Variants in MAPT observed in about 807,000 individuals in gnomAD.
The protein encoded by MAPT is microtubule associated protein tau.
In MAPT, 34 loss-of-function variants were observed where a neutral mutation model predicts 67.9. The observed-to-expected ratio is 0.50, with a 90% CI of 0.38 to 0.67. The LOEUF (loss-of-function observed/expected upper bound fraction) is 0.67, where lower values mean the gene tolerates loss of function less well. MAPT is among the 30% of genes least tolerant of loss of function. The pLI, the probability that MAPT is intolerant of heterozygous loss-of-function variation, is 0.00. For synonymous variants in MAPT, 456 were observed against 464.5 expected (o/e 0.98, Z 0.23); for missense variants, 881 against 1,115.2 (o/e 0.79, Z 2.99).
intron 1 of MAPT, among the ~76,000 whole-genome samples, chr17:45,922,278 A>G (rs1274410971): frequency 2.0e-5 from 3 of 152,184 alleles, no homozygotes; most frequent in African/African-American, 7.2e-5. Flanking sequence ...CAAAGGCCTT[A>G]TATTTTGCTC....
At position 45,996,357 on chromosome 17, in the gene MAPT, A is replaced by G. The variant is rs2145829887; in HGVS notation, c.1733-42A>G. ...AGCCCCCAGGGCCTTTTCTGACCCC[A>G]CCCACTCGAGTCCTGGCTTCACTCC... On this transcript the variant is annotated intron_variant, in intron 8 of 12. Transcript: ENST00000262410. The surrounding 1 kb of genome is among the most constrained non-coding windows in gnomAD (Gnocchi z 4.5). The G allele has an allele frequency of 6.2e-7, 1 of 1,604,306 alleles. No individual in the cohort carries two copies. The highest frequency in any genetic ancestry group is 1.1e-5 in the South Asian group (1 of 91,042).
intron 3 of MAPT, among the ~76,000 whole-genome samples, chr17:45,972,406 G>A (rs1462514748): frequency 2.0e-5 from 3 of 152,198 alleles, no homozygotes; most frequent in African/African-American, 7.2e-5. Context: ...GTTTGTTCCA[G>A]CCCTTCTCCT....
intron 1 of MAPT, among the ~76,000 whole-genome samples, chr17:45,945,752 G>A (rs185372346): frequency 1.4e-4 from 22 of 152,302 alleles, no homozygotes; most frequent in African/African-American, 5.1e-4. Context: ...GGTGAAGGTT[G>A]CAGTGAGCCG....
At position 45,904,400 on chromosome 17, in the gene MAPT, C is replaced by CAT. The variant is rs1342431123; in HGVS notation, c.-18+9726_-18+9727dup. On this transcript the variant is annotated intron_variant, in intron 1 of 12. Coordinates refer to ENST00000262410, the MANE Select transcript of MAPT (RefSeq NM_001377265.1). ...TTTATATATATTATATATATATACACATATATATATATAAATGAGGCCAGG... is the reference window on the plus strand; with the variant it reads ...TTTATATATATTATATATATATACACATATATATATATATAAATGAGGCCAGG... Among the ~76,000 whole-genome samples the CAT allele has an allele frequency of 4.1e-3, 318 of 78,020 alleles. 1 individual carries two copies. Among genetic ancestry groups the CAT allele is most frequent in the African/African-American group, 8.7e-3 (226 of 26,074 alleles). 51.2% of individuals were successfully genotyped at this position (78,020 alleles called of 152,430 possible).
chr17:46,020,688 G>T (rs1375642740), intron 12 of MAPT, among the ~76,000 whole-genome samples: 1 of 152,076 alleles, frequency 6.6e-6, no homozygotes, highest in Non-Finnish European at 1.5e-5. Context: ...TTGTGCAGGG[G>T]AACTCCCCTT....
chr17:45,964,184 C>G (rs1235984331), intron 2 of MAPT, among the ~76,000 whole-genome samples: 1 of 151,200 alleles, frequency 6.6e-6, no homozygotes, highest in Non-Finnish European at 1.5e-5. Flanking sequence ...GATCTGTTTT[C>G]TCCTTTGTTT....
At chr17:45,974,701 C>T (rs2072133992) in intron 3 of MAPT, 1 of 563,062 alleles carries the variant, frequency 1.8e-6, no homozygotes, top group Non-Finnish European at 3.2e-6. Flanking sequence ...TTCTGGACTT[C>T]TAGATGCTCC....
At chr17:45,973,989 A>G (rs1289091016) in intron 3 of MAPT, 4 of 206,694 alleles carry the variant, frequency 1.9e-5, no homozygotes, top group Non-Finnish European at 4.0e-5. Context: ...GCCTCACAGC[A>G]AAACCATAGG....
Position 46,010,560 on chromosome 17 carries a change from A to G in MAPT, c.2091+158A>G, listed in dbSNP as rs2075755933. 6.6e-6 allele frequency among the ~76,000 whole-genome samples: 1 copy of G among 152,020 alleles called. No individual in the cohort carries two copies. Among genetic ancestry groups the G allele is most frequent in the African/African-American group, 2.4e-5 (1 of 41,410 alleles). ...GGGTGAATGTAGCCCGGCTCCCCAC[A>G]TTCCCCCACACGGTCCACTGTTCCC... On this transcript the variant is annotated intron_variant, in intron 10 of 12. Coordinates refer to ENST00000262410, the MANE Select transcript of MAPT (RefSeq NM_001377265.1). This position sits in a 1 kb window ranked among gnomAD's most constrained non-coding sequence, Gnocchi z 4.7.
intron 2 of MAPT, among the ~76,000 whole-genome samples, chr17:45,965,484 C>A (rs1186880663): frequency 6.6e-6 from 1 of 151,732 alleles, no homozygotes; most frequent in South Asian, 2.1e-4. Flanking sequence ...GGCGCCATCT[C>A]GGCTCACCGC....
intron 1 of MAPT, among the ~76,000 whole-genome samples, chr17:45,948,415 C>T (rs1261958332): frequency 1.3e-5 from 2 of 152,192 alleles, no homozygotes; most frequent in African/African-American, 4.8e-5. Context: ...AGGATGCCTG[C>T]CCTAACATTT....
Position 45,991,568 on chromosome 17 carries a change from A to G in MAPT, c.1714A>G (p.Lys572Glu). The change falls in exon 8 of 13, where the codon AAG becomes GAG. Residue 572 changes from lysine to glutamate, a missense_variant. Lys to Glu is a moderately conservative substitution (Grantham distance 56, BLOSUM62 1). Around this residue, in one of 6 missense-constraint regions of MAPT, gnomAD observed 687 missense variants for 766.1 expected, o/e 0.90. Transcript: ENST00000262410. ...RIPAKTPPAP[K>E]TPPSSGEPPK... ...TCCAGCAAAAACCCCGCCCGCTCCA[A>G]AGACACCACCCAGCTCTGGTAAGAA... 2 of 1,614,102 alleles carry G rather than the reference A, an allele frequency of 1.2e-6. No individual in the cohort carries two copies. The highest frequency in any genetic ancestry group is 1.7e-6 in the Non-Finnish European group (2 of 1,179,990).
At chr17:46,009,246 C>A (rs1161892278) in intron 9 of MAPT, among the ~76,000 whole-genome samples, 2 of 152,190 alleles carry the variant, frequency 1.3e-5, no homozygotes, top group Non-Finnish European at 1.5e-5. Flanking sequence ...ACTGTTTCCA[C>A]TGTTTCCAGA....
intron 5 of MAPT, 121 bp from the exon 6 acceptor site, chr17:45,986,919 C>T: frequency 1.2e-6 from 1 of 816,728 alleles, no homozygotes; most frequent in Non-Finnish European, 2.1e-6. Context: ...AACTGGGTTT[C>T]CACCAGACCC....
rs1178805949 is a variant in MAPT, at chr17:45,896,508, G to A, written c.-18+1822G>A. ...TGAGCCCACTGGACTGGGCGCAGAGGGGGGATTGCCATGGAAACCACAGGT... is the reference window on the plus strand; with the variant it reads ...TGAGCCCACTGGACTGGGCGCAGAGAGGGGATTGCCATGGAAACCACAGGT... On this transcript the variant is annotated intron_variant, in intron 1 of 12. Transcript: ENST00000262410. This position sits in a 1 kb window ranked among gnomAD's most constrained non-coding sequence, Gnocchi z 5.6. 1.3e-5 allele frequency: 2 copies of A among 152,322 alleles called. No homozygotes were observed. The highest frequency in any genetic ancestry group is 4.8e-5 in the African/African-American group (2 of 41,446). 9.4% of individuals were successfully genotyped at this position (152,322 alleles called of 1,614,324 possible). A position where few individuals can be genotyped will look rare whatever the true frequency, so the allele number is the denominator to read the frequency against.
chr17:46,018,815 C>G, intron 12 of MAPT, 85 bp downstream of exon 12: 1 of 1,005,842 alleles, frequency 9.9e-7, no homozygotes, highest in Non-Finnish European at 1.6e-6. Flanking sequence ...GTCCAGTTCC[C>G]AGAGGAGGAA....
intron 1 of MAPT, among the ~76,000 whole-genome samples, chr17:45,908,680 C>T (rs2064511899): frequency 6.6e-6 from 1 of 152,194 alleles, no homozygotes; most frequent in African/African-American, 2.4e-5. Flanking sequence ...TATCGAATTA[C>T]TTAGAATTTG....
At chr17:45,941,525 C>T (rs1195070904) in intron 1 of MAPT, among the ~76,000 whole-genome samples, 1 of 151,902 alleles carries the variant, frequency 6.6e-6, no homozygotes, top group Non-Finnish European at 1.5e-5. Flanking sequence ...AGCAGAACTT[C>T]ATTTCCTCTT....
intron 1 of MAPT, among the ~76,000 whole-genome samples, chr17:45,924,165 C>T (rs1469501362): frequency 6.6e-6 from 1 of 151,730 alleles, no homozygotes; most frequent in Non-Finnish European, 1.5e-5. Context: ...CAGAGCTGCA[C>T]GAAGAGGAGA....
Sources: gnomAD v4.1 joint callset for allele counts (sites outside exome capture counted in the v4.1 genomes callset) on GRCh38, gnomAD v4.1.1 for gene constraint, gnomAD v4.1.1 regional missense constraint, Gnocchi (gnomAD v3.1) non-coding constraint, MANE v1.5 for transcripts, NCBI Gene and HGNC (gene_info 2026-07-23, HGNC 2026-07-21) for gene names.